Variants in MARK2 observed in about 807,000 individuals in gnomAD.
MARK2 encodes serine/threonine-protein kinase MARK2.
A neutral mutation model predicts 89.8 loss-of-function variants in MARK2; 16 were observed. The observed-to-expected ratio is 0.18, with a 90% confidence interval of 0.12 to 0.27. The LOEUF (loss-of-function observed/expected upper bound fraction) is 0.27, where lower values mean the gene tolerates loss of function less well. Among genes scored for constraint, MARK2 ranks in the 10% least tolerant of loss-of-function variants. The pLI, the probability that MARK2 is intolerant of heterozygous loss-of-function variation, is 1.00. For missense variants in MARK2, 621 were observed against 1,049.9 expected, an observed-to-expected ratio of 0.59 and a Z score of 5.65; for synonymous variants, 382 against 399.5, an observed-to-expected ratio of 0.96 and a Z score of 0.52.
intron 1 of MARK2, among the ~76,000 whole-genome samples, chr11:63,861,626 T>G (rs1253541735): frequency 6.6e-6 from 1 of 152,180 alleles, no homozygotes; most frequent in Non-Finnish European, 1.5e-5. Context: ...TTTTGCATGG[T>G]TTGCCTCTGA....
At chr11:63,874,914 T>A (rs563247410) in intron 1 of MARK2, among the ~76,000 whole-genome samples, 42 of 152,192 alleles carry the variant, frequency 2.8e-4, no homozygotes, top group African/African-American at 9.9e-4. Context: ...TCTGTTCCCA[T>A]GGGGTAGGGC....
intron 1 of MARK2, among the ~76,000 whole-genome samples, chr11:63,883,234 T>C (rs919708309): frequency 1.3e-5 from 2 of 152,204 alleles, no homozygotes; most frequent in African/African-American, 4.8e-5. Context: ...GTCGTCATCC[T>C]CTGGGCCACA....
intron 1 of MARK2, among the ~76,000 whole-genome samples, chr11:63,864,068 C>G (rs1434741703): frequency 1.3e-5 from 2 of 152,076 alleles, no homozygotes; most frequent in African/African-American, 4.8e-5. Context: ...ATTCTCCTGC[C>G]TCAGCCTCCC....
In MARK2 at chr11:63,909,026, A is replaced by C; in HGVS notation, c.2156A>C (p.Asp719Ala). ...EMMREIRKVLDANSCQSELHE... is the reference protein window; with the variant it reads ...EMMREIRKVLAANSCQSELHE... ...ATGCGGGAGATCCGCAAGGTGCTGG[A>C]CGCGAACAGCTGCCAGAGCGAGCTG... is the stretch of plus-strand genomic sequence containing the variant. Residue 719 changes from aspartate to alanine, a missense_variant, in exon 19 of 19, where the codon GAC (aspartate) becomes GCC (alanine). Asp to Ala is a moderately radical substitution (Grantham distance 126, BLOSUM62 -2). Coordinates refer to ENST00000402010, the MANE Select transcript of MARK2 (RefSeq NM_001039469.3). 6.3e-7 allele frequency: 1 copy of C among 1,599,032 alleles called. No individual in the cohort carries two copies. The highest frequency in any genetic ancestry group is 8.6e-7 in the Non-Finnish European group (1 of 1,167,658).
chr11:63,864,739 G>A (rs1033451829), intron 1 of MARK2, among the ~76,000 whole-genome samples: 1 of 151,404 alleles, frequency 6.6e-6, no homozygotes. Context: ...GGATGTAGTC[G>A]GTGGCTCACA....
chr11:63,898,521 C>T (rs1940606541), intron 4 of MARK2, 87 bp from the exon 5 acceptor site: 4 of 1,098,354 alleles, frequency 3.6e-6, no homozygotes, highest in Admixed American at 1.8e-5. Flanking sequence ...GGGAGACTTT[C>T]GTTCCTAGGA....
chr11:63,851,700 C>G (rs546796509), intron 1 of MARK2, among the ~76,000 whole-genome samples: 6 of 152,242 alleles, frequency 3.9e-5, no homozygotes, highest in African/African-American at 1.4e-4. Flanking sequence ...AATCCCAGAC[C>G]ACCTGGTCCT....
At position 63,845,274 on chromosome 11, in the gene MARK2, T is replaced by C. The variant is rs12271482; in HGVS notation, c.54+5714T>C. ...GTATAGAAAGGATTTGATTCTCTTT[T>C]AGCCATGGTGGGGCCGCCAGTTTCC... On this transcript the variant is annotated intron_variant, in intron 1 of 18. Coordinates refer to ENST00000402010, the MANE Select transcript of MARK2 (RefSeq NM_001039469.3). 4.1e-3 allele frequency among the ~76,000 whole-genome samples: 620 copies of C among 152,256 alleles called. 5 individuals carry two copies. The highest frequency in any genetic ancestry group is 0.014 in the African/African-American group (600 of 41,540).
At chr11:63,869,053 T>A in intron 1 of MARK2, 1 of 353,852 alleles carries the variant, frequency 2.8e-6, no homozygotes. Flanking sequence ...ATTTTCTTCT[T>A]CCTTGATTCT....
At chr11:63,871,242 C>T (rs1360640851) in intron 1 of MARK2, among the ~76,000 whole-genome samples, 1 of 152,204 alleles carries the variant, frequency 6.6e-6, no homozygotes, top group Non-Finnish European at 1.5e-5. Flanking sequence ...TGGTGCTCCC[C>T]CCACCGCCAT....
chr11:63,850,790 C>T (rs1267427293), intron 1 of MARK2, among the ~76,000 whole-genome samples: 1 of 152,038 alleles, frequency 6.6e-6, no homozygotes, highest in African/African-American at 2.4e-5. Flanking sequence ...GGGATTCATA[C>T]CATCATGTTC....
At position 63,909,292 on chromosome 11, in the gene MARK2, C is replaced by CA; in HGVS notation, c.*55_*56insA. ...CGGGCCAGCTGGACGGGCTGCCGGC[C>CA]GCTGCGCCGCCCCACCTGGGCGAGA... On this transcript the variant is annotated 3_prime_UTR_variant, in exon 19 of 19. Coordinates refer to ENST00000402010, the MANE Select transcript of MARK2 (RefSeq NM_001039469.3). 1 of 1,478,888 alleles carries CA rather than the reference C, an allele frequency of 6.8e-7. No homozygotes were observed. The highest frequency in any genetic ancestry group is 9.0e-7 in the Non-Finnish European group (1 of 1,111,066). The allele number at this position is 1,478,888 out of a possible 1,614,324, so 91.6% of individuals were successfully genotyped here.
chr11:63,854,753 G>A (rs1184516796), intron 1 of MARK2, among the ~76,000 whole-genome samples: 2 of 149,404 alleles, frequency 1.3e-5, no homozygotes, highest in African/African-American at 5.0e-5. Context: ...GAGAATTGCA[G>A]TGAGCCGAGA....
intron 1 of MARK2, 85 bp from the exon 2 acceptor site, chr11:63,895,074 A>T: frequency 1.3e-5 from 14 of 1,105,494 alleles, no homozygotes; most frequent in Non-Finnish European, 1.6e-5. Context: ...CTGCCCCTGC[A>T]CCCTCATCCC....
rs114504508 is a variant in MARK2 at position 63,845,116 on chromosome 11, G to A, written c.54+5556G>A. 9.6e-3 allele frequency among the ~76,000 whole-genome samples: 1,466 copies of A among 152,298 alleles called. 28 individuals carry two copies. Among genetic ancestry groups the A allele is most frequent in the African/African-American group, 0.034 (1,399 of 41,558 alleles). Reference sequence around the variant, plus strand: ...GAAGTAACCTCAGCAGATGGAAAGGGTGAGGAGGGTGGTCATCTTCCTTCC... The same window carrying A: ...GAAGTAACCTCAGCAGATGGAAAGGATGAGGAGGGTGGTCATCTTCCTTCC... On this transcript the variant is annotated intron_variant, in intron 1 of 18. Transcript: ENST00000402010.
chr11:63,857,456 C>T (rs2016922954), intron 1 of MARK2, among the ~76,000 whole-genome samples: 1 of 152,208 alleles, frequency 6.6e-6, no homozygotes, highest in Admixed American at 6.5e-5. Context: ...GCTGGGATTA[C>T]AGGCATGAGC....
intron 1 of MARK2, among the ~76,000 whole-genome samples, chr11:63,854,842 A>G (rs1021058921): frequency 6.6e-6 from 1 of 150,866 alleles, no homozygotes; most frequent in African/African-American, 2.4e-5. Context: ...GGGTATTCCA[A>G]GTGAGGAAAT....
intron 1 of MARK2, among the ~76,000 whole-genome samples, chr11:63,847,314 A>G (rs1046610528): frequency 2.6e-5 from 4 of 152,362 alleles, no homozygotes; most frequent in African/African-American, 7.2e-5. Context: ...CTAAATGAAC[A>G]GAAGATTTGG....
chr11:63,902,441 A>T lies in MARK2; in HGVS notation c.1234+111A>T, dbSNP rs1317751231. ...AGTTTCAGTCCTGGTTCAGCCACTT[A>T]TTAGTAGTGTGGCTATGGGCAAGCC... On this transcript the variant is annotated intron_variant, in intron 12 of 18. Transcript: ENST00000402010. The surrounding 1 kb of genome is among the most constrained non-coding windows in gnomAD (Gnocchi z 4.2). 14 of 1,468,292 alleles carry T rather than the reference A, an allele frequency of 9.5e-6. No homozygotes were observed. In the South Asian group the frequency reaches 1.7e-4, roughly 18 times the overall value. The allele number at this position is 1,468,292 out of a possible 1,614,324, so 91.0% of individuals were successfully genotyped here.
Sources: allele counts gnomAD v4.1 joint callset (sites outside exome capture counted in the v4.1 genomes callset), GRCh38; gene constraint gnomAD v4.1.1; non-coding constraint Gnocchi (gnomAD v3.1); transcripts MANE v1.5; gene names NCBI Gene and HGNC (gene_info 2026-07-23, HGNC 2026-07-21).